UNC93A: variants seen among roughly 807,000 people sequenced by gnomAD.
UNC93A encodes the protein unc-93 homolog A.
UNC93A carries 43 observed loss-of-function variants against 47.5 expected under a neutral mutation model. The ratio of observed to expected loss-of-function variants is 0.91; its 90% CI spans 0.71 to 1.17. The LOEUF (loss-of-function observed/expected upper bound fraction) is 1.17, where lower values mean the gene tolerates loss of function less well. UNC93A is among the 50% of genes most tolerant of loss of function. The probability of loss-of-function intolerance (pLI) is 0.00; values close to 1 mark genes in which losing one functional copy is unlikely to be tolerated. For missense variants in UNC93A, 605 were observed against 577.6 expected, an observed-to-expected ratio of 1.05 and a Z score of -0.49; for synonymous variants, 280 against 258.0, an observed-to-expected ratio of 1.09 and a Z score of -0.82.
intron 1 of UNC93A, among the ~76,000 whole-genome samples, chr6:167,275,822 T>G (rs1783530010): frequency 6.6e-6 from 1 of 152,212 alleles, no homozygotes; most frequent in Non-Finnish European, 1.5e-5. Flanking sequence ...AGTCTTTTGA[T>G]TGGACCTGAG....
intron 1 of UNC93A, among the ~76,000 whole-genome samples, chr6:167,293,788 C>T (rs548279362): frequency 1.3e-5 from 2 of 152,306 alleles, no homozygotes; most frequent in Non-Finnish European, 2.9e-5. Flanking sequence ...CCTGTAGCCA[C>T]CACCTCCTTT....
At chr6:167,288,819 C>T (rs1057173305), upstream of UNC93A, among the ~76,000 whole-genome samples, 2 of 152,142 alleles carry the variant, frequency 1.3e-5, no homozygotes, top group Admixed American at 6.5e-5. Flanking sequence ...TGAACTCAGC[C>T]GTAGCAAAAC....
In UNC93A at chr6:167,304,256, G is replaced by A; in HGVS notation, c.840+123G>A. The A allele has an allele frequency of 4.7e-6, 5 of 1,074,214 alleles. No individual in the cohort carries two copies. In the South Asian group the frequency reaches 5.7e-5, roughly 12 times the overall value. 66.5% of individuals were successfully genotyped at this position (1,074,214 alleles called of 1,614,324 possible). A position where few individuals can be genotyped will look rare whatever the true frequency, so the allele number is the denominator to read the frequency against. On this transcript the variant is annotated intron_variant, in intron 5 of 7. Coordinates refer to ENST00000230256, the MANE Select transcript of UNC93A (RefSeq NM_018974.4). ...CTGCCCAGGGCTGGGGCTGGAGGGA[G>A]CGGGGTCCTATGCTCCCAGTGCTAC...
chr6:167,301,421 T>TAA (rs1340815811), intron 4 of UNC93A, among the ~76,000 whole-genome samples: 1 of 152,126 alleles, frequency 6.6e-6, no homozygotes, highest in African/African-American at 2.4e-5. Context: ...CATGTCTCCA[T>TAA]AAAGAAAAAC....
chr6:167,287,693 GTGTGTGCA>G (rs985456724), upstream of UNC93A, among the ~76,000 whole-genome samples: 1 of 149,678 alleles, frequency 6.7e-6, no homozygotes, highest in Non-Finnish European at 1.5e-5. Context: ...GGGTGTGTGT[GTGTGTGCA>G]TGTGTGTGCA....
chr6:167,285,772 C>T (rs1783716382), intron 1 of UNC93A, among the ~76,000 whole-genome samples: 1 of 151,618 alleles, frequency 6.6e-6, no homozygotes, highest in Admixed American at 6.6e-5. Context: ...GTTCTTTCTA[C>T]AACAATTCCT....
In UNC93A at chr6:167,296,040, T is replaced by A; in HGVS notation, c.278T>A (p.Leu93Ter). The stretch of plus-strand genomic sequence containing the variant: ...CTGCATTTTACCCACAGGTACACTT[T>A]GATCCCCACCTCCATACTGCTGGGA... ...VGNFFASWYTLIPTSILLGLG... is the reference protein window; with the variant it reads ...VGNFFASWYT The change falls in exon 3 of 8, where the codon TTG (leucine) becomes TAG (stop). Residue 93 changes from leucine (L) to a stop codon, truncating the protein, a stop_gained. Coordinates refer to ENST00000230256, the MANE Select transcript of UNC93A (RefSeq NM_018974.4). LOFTEE classifies it high-confidence loss of function. The A allele has an allele frequency of 6.2e-7, 1 of 1,614,094 alleles. No individual in the cohort carries two copies. Among genetic ancestry groups the A allele is most frequent in the Non-Finnish European group, 8.5e-7 (1 of 1,179,970 alleles).
In UNC93A at chr6:167,279,641, A is replaced by T. The variant is rs1267349403; in HGVS notation, c.-52+8183A>T. 3.9e-5 allele frequency among the ~76,000 whole-genome samples: 6 copies of T among 152,330 alleles called. No individual in the cohort carries two copies. In the South Asian group the frequency reaches 1.2e-3, roughly 32 times the overall value. ...AATGGGCTTCCGGGAATCAGAAAAC[A>T]TATTCTTTCCTTGTTTCAGTCGAGT... is the stretch of plus-strand genomic sequence containing the variant. On this transcript the variant is annotated intron_variant, in intron 1 of 3. Coordinates refer to the UNC93A transcript ENST00000503433.
At position 167,296,278 on chromosome 6, in the gene UNC93A, C is replaced by A; in HGVS notation, c.499+17C>A. The A allele has an allele frequency of 6.2e-7, 1 of 1,612,594 alleles. No individual in the cohort carries two copies. Among genetic ancestry groups the A allele is most frequent in the Non-Finnish European group, 8.5e-7 (1 of 1,178,674 alleles). ...CCAGCCAAGGTAAAAGGAAAAGGGG[C>A]AAGCAATTGTCTCCAAGTGGAGCAG... On this transcript the variant is annotated intron_variant, in intron 3 of 7. Transcript: ENST00000230256.
At position 167,294,633 on chromosome 6, in the gene UNC93A, G is replaced by C. The variant is rs762508277; in HGVS notation, c.204G>C (p.Lys68Asn). 4 of 1,613,538 alleles carry C rather than the reference G, an allele frequency of 2.5e-6. No individual in the cohort carries two copies. The highest frequency in any genetic ancestry group is 3.4e-6 in the Non-Finnish European group (4 of 1,179,700). Residue 68 changes from lysine (K) to asparagine (N), a missense_variant, in exon 2 of 8, where the codon AAG becomes AAC. Lys to Asn is a moderately conservative substitution (Grantham distance 94). Coordinates refer to ENST00000230256, the MANE Select transcript of UNC93A (RefSeq NM_018974.4). ...TCCTCATCGAGAGGCTGGGCTGCAA[G>C]GGGACCATCATCCTCTCCATGTGTG... ...PPLLIERLGC[K>N]GTIILSMCGY...
At position 167,294,615 on chromosome 6, in the gene UNC93A, C is replaced by T. The variant is rs201004583; in HGVS notation, c.186C>T (p.Ile62=). Residue 62 remains isoleucine, a synonymous_variant, in exon 2 of 8, where the codon ATC becomes ATT. Transcript: ENST00000230256. ...LSSMFLPPLL[I]ERLGCKGTII... ...CCATGTTCCTCCCACCGCTCCTCATCGAGAGGCTGGGCTGCAAGGGGACCA... is the reference window on the plus strand; with the variant it reads ...CCATGTTCCTCCCACCGCTCCTCATTGAGAGGCTGGGCTGCAAGGGGACCA... The T allele has an allele frequency of 2.8e-5, 45 of 1,613,914 alleles. No individual in the cohort carries two copies. In the East Asian group the frequency reaches 6.9e-4, roughly 25 times the overall value.
upstream of UNC93A, among the ~76,000 whole-genome samples, chr6:167,270,089 G>C (rs1168023894): frequency 3.3e-5 from 5 of 151,298 alleles, no homozygotes; most frequent in Admixed American, 3.3e-4. Context: ...ACATGGTCCG[G>C]AGTCCCCACC....
chr6:167,275,837 T>C (rs1783530367), intron 1 of UNC93A, among the ~76,000 whole-genome samples: 1 of 152,186 alleles, frequency 6.6e-6, no homozygotes, highest in Non-Finnish European at 1.5e-5. Context: ...CCTGAGCTAA[T>C]CTCTCTCAGA....
At chr6:167,304,201 C>T (rs1778319714) in intron 5 of UNC93A, 68 bp downstream of exon 5, 2 of 1,561,712 alleles carry the variant, frequency 1.3e-6, no homozygotes, top group African/African-American at 1.3e-5. Context: ...TGTGTCTGTA[C>T]CTGCAGGACC....
At position 167,304,012 on chromosome 6, in the gene UNC93A, C is replaced by A. The variant is rs1215098994; in HGVS notation, c.719C>A (p.Pro240His). Residue 240 changes from proline to histidine, a missense_variant, in exon 5 of 8, where the codon CCT becomes CAT. Physicochemically the swap from Pro to His is moderately conservative, Grantham distance 77 (BLOSUM62 -2). Coordinates refer to ENST00000230256, the MANE Select transcript of UNC93A (RefSeq NM_018974.4). ...AGTGAAGGAGAGAAGAAATCAGTAC[C>A]TTTCTGGTCCACTTTACTGTCGACT... is the stretch of plus-strand genomic sequence containing the variant. ...RESEGEKKSV[P>H]FWSTLLSTFK... 2 of 1,613,820 alleles carry A rather than the reference C, an allele frequency of 1.2e-6. No homozygotes were observed. The highest frequency in any genetic ancestry group is 1.1e-5 in the South Asian group (1 of 91,054).
At chr6:167,285,669 G>A (rs886667500) in intron 1 of UNC93A, among the ~76,000 whole-genome samples, 4 of 151,504 alleles carry the variant, frequency 2.6e-5, no homozygotes, top group African/African-American at 7.3e-5. Context: ...AACCCACTGG[G>A]GTGGGGGTTC....
chr6:167,306,119 A>C (rs1778384323), intron 6 of UNC93A, 69 bp downstream of exon 6: 1 of 1,598,076 alleles, frequency 6.3e-7, no homozygotes, highest in African/African-American at 1.3e-5. Context: ...CACAGCTCAC[A>C]GTCAGGACAG....
intron 1 of UNC93A, among the ~76,000 whole-genome samples, chr6:167,274,099 T>C (rs1783498256): frequency 6.6e-6 from 1 of 152,160 alleles, no homozygotes; most frequent in Non-Finnish European, 1.5e-5. Flanking sequence ...ATATTTAGGG[T>C]TAAAATATTT....
intron 4 of UNC93A, among the ~76,000 whole-genome samples, chr6:167,300,461 G>A (rs12153952): frequency 0.46 from 69,926 of 151,878 alleles, 18,680 homozygotes; most frequent in Middle Eastern, 0.63. Context: ...GCCCCTAGGA[G>A]GCTCAGGGGG....
Sources: allele counts gnomAD v4.1 joint callset (sites outside exome capture counted in the v4.1 genomes callset), GRCh38; gene constraint gnomAD v4.1.1; transcripts MANE v1.5; gene names NCBI Gene and HGNC (gene_info 2026-07-23, HGNC 2026-07-21).